Variants in SHISA8 observed in about 807,000 individuals in gnomAD.
SHISA8 encodes shisa family member 8, also known as protein shisa-8.
SHISA8 carries 21 observed loss-of-function variants against 21.1 expected under a neutral mutation model. The ratio of observed to expected loss-of-function variants is 0.99; its 90% CI spans 0.71 to 1.43. The LOEUF (loss-of-function observed/expected upper bound fraction) is 1.43, where lower values mean the gene tolerates loss of function less well. SHISA8 is among the 40% of genes most tolerant of loss of function. SHISA8 has a pLI of 0.00. For missense variants in SHISA8, 535 were observed against 599.1 expected, an observed-to-expected ratio of 0.89 and a Z score of 1.12; for synonymous variants, 300 against 291.4, an observed-to-expected ratio of 1.03 and a Z score of -0.30.
rs1454800275 is a variant in SHISA8, at chr22:41,914,769, C to G, written c.-102G>C. The G allele has an allele frequency of 1.1e-6, 1 of 885,790 alleles. No homozygotes were observed. The highest frequency in any genetic ancestry group is 1.2e-4 in the East Asian group (1 of 8,560). 54.9% of individuals were successfully genotyped at this position (885,790 alleles called of 1,614,324 possible). The stretch of plus-strand genomic sequence containing the variant: ...CCGCAGGGATCGCGCTGGCTCCCGG[C>G]GCACGCCGCCTCGGCCGTCGGCCTC... On this transcript the variant is annotated 5_prime_UTR_variant, in exon 1 of 4. Coordinates refer to ENST00000621082, the MANE Select transcript of SHISA8 (RefSeq NM_001207020.3). This position sits in a 1 kb window ranked among gnomAD's most constrained non-coding sequence, Gnocchi z 6.8.
Position 41,910,231 on chromosome 22 carries a change from G to A in SHISA8, c.812-84C>T. 8.2e-7 allele frequency: 1 copy of A among 1,226,508 alleles called. No homozygotes were observed. The highest frequency in any genetic ancestry group is 1.0e-6 in the Non-Finnish European group (1 of 983,996). 76.0% of individuals were successfully genotyped at this position (1,226,508 alleles called of 1,614,324 possible). A position where few individuals can be genotyped will look rare whatever the true frequency, so the allele number is the denominator to read the frequency against. ...ACAAGGGGTCCCGGCCGGGGACTGG[G>A]ACGGGGACCGGGCCGGGGCGGGCCG... is the stretch of plus-strand genomic sequence containing the variant. On this transcript the variant is annotated intron_variant, in intron 3 of 3. Transcript: ENST00000621082. The surrounding 1 kb of genome is among the most constrained non-coding windows in gnomAD (Gnocchi z 6.8).
chr22:41,912,050 G>A (rs2077556450), intron 1 of SHISA8, among the ~76,000 whole-genome samples: 1 of 152,200 alleles, frequency 6.6e-6, no homozygotes, highest in Non-Finnish European at 1.5e-5. Context: ...TTATTTACCT[G>A]CCTGCCTAAC....
intron 1 of SHISA8, among the ~76,000 whole-genome samples, chr22:41,913,850 T>C (rs938278303): frequency 1.3e-5 from 2 of 151,938 alleles, no homozygotes; most frequent in Admixed American, 6.5e-5. Flanking sequence ...TGTGCAAGGC[T>C]ACCTGTCCCC....
At chr22:41,913,948 A>AGGGAGTCAGGGCGGTGTC (rs1556138064) in intron 1 of SHISA8, among the ~76,000 whole-genome samples, 190 bp downstream of exon 1, 10 of 151,442 alleles carry the variant, frequency 6.6e-5, no homozygotes, top group African/African-American at 2.2e-4. Context: ...AGAAGGTCAA[A>AGGGAGTCAGGGCGGTGTC]GGGAGTCAGG....
Position 41,914,570 on chromosome 22 carries a change from G to T in SHISA8, c.98C>A (p.Pro33Gln). ...ALRLALLLAR[P>Q]PSGRAGAPEA... The stretch of plus-strand genomic sequence containing the variant: ...GGGGGCTCCCGCGCGGCCCGACGGC[G>T]GCCGCGCCAGCAGCAACGCGAGCCG... Residue 33 changes from proline to glutamine, a missense_variant, in exon 1 of 4, where the codon CCG becomes CAG. Transcript: ENST00000621082. This position sits in a 1 kb window ranked among gnomAD's most constrained non-coding sequence, Gnocchi z 6.8. 1 of 1,163,806 alleles carries T rather than the reference G, an allele frequency of 8.6e-7. No individual in the cohort carries two copies. Among genetic ancestry groups the T allele is most frequent in the Non-Finnish European group, 1.1e-6 (1 of 945,458 alleles). 72.1% of individuals were successfully genotyped at this position (1,163,806 alleles called of 1,614,324 possible).
At position 41,910,159 on chromosome 22, in the gene SHISA8, G is replaced by A. The variant is rs2077538918; in HGVS notation, c.812-12C>T. On this transcript the variant is annotated splice_polypyrimidine_tract_variant and intron_variant, in intron 3 of 3. Transcript: ENST00000621082. This position sits in a 1 kb window ranked among gnomAD's most constrained non-coding sequence, Gnocchi z 6.8. Reference sequence around the variant, plus strand: ...CCGCGGGGCGGCCTCTGCGGGGACAGGGCAGGGAAGAGTGACGCCGCGCCG... The same window carrying A: ...CCGCGGGGCGGCCTCTGCGGGGACAAGGCAGGGAAGAGTGACGCCGCGCCG... 2 of 1,234,354 alleles carry A rather than the reference G, an allele frequency of 1.6e-6. No homozygotes were observed. The highest frequency in any genetic ancestry group is 3.2e-5 in the East Asian group (1 of 31,086). The allele number at this position is 1,234,354 out of a possible 1,614,324, so 76.5% of individuals were successfully genotyped here. A position where few individuals can be genotyped will look rare whatever the true frequency, so the allele number is the denominator to read the frequency against.
chr22:41,914,595 G>A lies in SHISA8; in HGVS notation c.73C>T (p.Arg25Trp), dbSNP rs2146579999. 5 of 1,116,110 alleles carry A rather than the reference G, an allele frequency of 4.5e-6. No homozygotes were observed. Among genetic ancestry groups the A allele is most frequent in the South Asian group, 8.6e-5 (2 of 23,238 alleles). The allele number at this position is 1,116,110 out of a possible 1,614,324, so 69.1% of individuals were successfully genotyped here. ...GGCCGCGCCAGCAGCAACGCGAGCC[G>A]AAGCGCGAGCGCGAGCCGGAGGCCG... ...PPGLRLALAL[R>W]LALLLARPPS... The change falls in exon 1 of 4, where the codon CGG (arginine) becomes TGG (tryptophan). Residue 25 changes from arginine to tryptophan, a missense_variant. Arg to Trp is a moderately radical substitution (Grantham distance 101, BLOSUM62 -3). Coordinates refer to ENST00000621082, the MANE Select transcript of SHISA8 (RefSeq NM_001207020.3). The surrounding 1 kb of genome is among the most constrained non-coding windows in gnomAD (Gnocchi z 6.8).
chr22:41,909,876 G>T lies in SHISA8; in HGVS notation c.1083C>A (p.Phe361Leu). The T allele has an allele frequency of 6.5e-7, 1 of 1,530,132 alleles. No homozygotes were observed. The highest frequency in any genetic ancestry group is 2.5e-5 in the East Asian group (1 of 40,392). 94.8% of individuals were successfully genotyped at this position (1,530,132 alleles called of 1,614,324 possible). Reference sequence around the variant, plus strand: ...TGAAGGTCTCAGGCATCTTCACACTGAACTGGCGCCGGGCCGCGTGCCCGG... The same window carrying T: ...TGAAGGTCTCAGGCATCTTCACACTTAACTGGCGCCGGGCCGCGTGCCCGG... ...RRPGHAARRQ[F>L]SVKMPETFNP... Residue 361 changes from phenylalanine (F) to leucine (L), a missense_variant, in exon 4 of 4, where the codon TTC becomes TTA. Coordinates refer to ENST00000621082, the MANE Select transcript of SHISA8 (RefSeq NM_001207020.3).
In SHISA8 at chr22:41,911,219, C is replaced by A; in HGVS notation, c.661G>T (p.Ala221Ser). 1 of 1,282,226 alleles carries A rather than the reference C, an allele frequency of 7.8e-7. No individual in the cohort carries two copies. The highest frequency in any genetic ancestry group is 9.8e-7 in the Non-Finnish European group (1 of 1,016,370). 79.4% of individuals were successfully genotyped at this position (1,282,226 alleles called of 1,614,324 possible). The stretch of plus-strand genomic sequence containing the variant: ...GCCCCGCCCGCCACCGACTCACCTG[C>A]GCTGTTGTGGGGGGAGCCCCGGGGG... ...GLPRGSPHNS[A>S]DKKRLNNAPR... Residue 221 changes from alanine to serine, a missense_variant, in exon 2 of 4, where the codon GCA (alanine) becomes TCA (serine). Coordinates refer to ENST00000621082, the MANE Select transcript of SHISA8 (RefSeq NM_001207020.3).
rs969779418 is a variant in SHISA8, at chr22:41,909,557, G to T, written c.*208C>A. On this transcript the variant is annotated 3_prime_UTR_variant, in exon 4 of 4. Coordinates refer to ENST00000621082, the MANE Select transcript of SHISA8 (RefSeq NM_001207020.3). ...GTGACCAATGGTGCCTCGCAGCCAC[G>T]CTGGGGCTTCTTTATTCTCAGGGGC... 2.2e-5 allele frequency: 13 copies of T among 584,360 alleles called. No homozygotes were observed. Among genetic ancestry groups the T allele is most frequent in the Non-Finnish European group, 3.3e-5 (13 of 389,228 alleles). The allele number at this position is 584,360 out of a possible 1,614,324, so 36.2% of individuals were successfully genotyped here. A position where few individuals can be genotyped will look rare whatever the true frequency, so the allele number is the denominator to read the frequency against.
intron 1 of SHISA8, among the ~76,000 whole-genome samples, chr22:41,912,111 C>T (rs1170696830): frequency 1.3e-5 from 2 of 152,196 alleles, no homozygotes; most frequent in African/African-American, 2.4e-5. Context: ...GCTGCCATCA[C>T]GGGCATGAAG....
Position 41,910,551 on chromosome 22 carries a change from T to G in SHISA8, c.668A>C (p.Lys223Thr), listed in dbSNP as rs2077544273. The G allele has an allele frequency of 5.7e-6, 7 of 1,229,612 alleles. No individual in the cohort carries two copies. Among genetic ancestry groups the G allele is most frequent in the Non-Finnish European group, 7.1e-6 (7 of 986,848 alleles). 76.2% of individuals were successfully genotyped at this position (1,229,612 alleles called of 1,614,324 possible). A position where few individuals can be genotyped will look rare whatever the true frequency, so the allele number is the denominator to read the frequency against. ...PRGSPHNSADKKRLNNAPRGS... is the reference protein window; with the variant it reads ...PRGSPHNSADTKRLNNAPRGS... ...CCGGGGCGCGTTGTTGAGGCGCTTC[T>G]TGTCTGGAGCGAGGAGTGAGACGCG... The change falls in exon 3 of 4, where the codon AAG becomes ACG. Residue 223 changes from lysine (K) to threonine (T), a missense_variant. By Grantham distance (78) the Lys-to-Thr change is moderately conservative. Coordinates refer to ENST00000621082, the MANE Select transcript of SHISA8 (RefSeq NM_001207020.3). This position sits in a 1 kb window ranked among gnomAD's most constrained non-coding sequence, Gnocchi z 6.8.
Position 41,914,204 on chromosome 22 carries a change from G to A in SHISA8, c.464C>T (p.Ala155Val). The change falls in exon 1 of 4, where the codon GCC (alanine) becomes GTC (valine). Residue 155 changes from alanine to valine, a missense_variant. Physicochemically the swap from Ala to Val is moderately conservative, Grantham distance 64. Transcript: ENST00000621082. This position sits in a 1 kb window ranked among gnomAD's most constrained non-coding sequence, Gnocchi z 6.8. ...VCGVAALLVL[A>V]GIGARLGLER... is the part of the protein sequence containing the mutation. ...CAGTCCCAGGCGCGCCCCGATGCCGGCCAGCACCAGCAGCGCTGCGACGCC... is the reference window on the plus strand; with the variant it reads ...CAGTCCCAGGCGCGCCCCGATGCCGACCAGCACCAGCAGCGCTGCGACGCC... 6.8e-7 allele frequency: 1 copy of A among 1,462,798 alleles called. No individual in the cohort carries two copies. The highest frequency in any genetic ancestry group is 1.5e-5 in the African/African-American group (1 of 67,416). 90.6% of individuals were successfully genotyped at this position (1,462,798 alleles called of 1,614,324 possible).
At position 41,914,397 on chromosome 22, in the gene SHISA8, GGTAGCCGCACGTGCCGCAGCAGAAGCT is replaced by G; in HGVS notation, c.244_270del (p.Ser82_Tyr90del). On this transcript the variant is annotated inframe_deletion, in exon 1 of 4. Transcript: ENST00000621082. This position sits in a 1 kb window ranked among gnomAD's most constrained non-coding sequence, Gnocchi z 6.8. Reference sequence around the variant, plus strand: ...CGCGGCCCGTCGTGGCAGCAGAAGCGGTAGCCGCACGTGCCGCAGCAGAAGCTGTAGGCTCCGGAGCTGCAGTTGAAG... The same window carrying G: ...CGCGGCCCGTCGTGGCAGCAGAAGCGGTAGGCTCCGGAGCTGCAGTTGAAG... 1 of 1,328,098 alleles carries G rather than the reference GGTAGCCGCACGTGCCGCAGCAGAAGCT, an allele frequency of 7.5e-7. No individual in the cohort carries two copies. Among genetic ancestry groups the G allele is most frequent in the East Asian group, 3.2e-5 (1 of 31,598 alleles). 82.3% of individuals were successfully genotyped at this position (1,328,098 alleles called of 1,614,324 possible). A position where few individuals can be genotyped will look rare whatever the true frequency, so the allele number is the denominator to read the frequency against.
Position 41,910,176 on chromosome 22 carries a change from G to A in SHISA8, c.812-29C>T. On this transcript the variant is annotated intron_variant, in intron 3 of 3. Transcript: ENST00000621082. This position sits in a 1 kb window ranked among gnomAD's most constrained non-coding sequence, Gnocchi z 6.8. ...CGGGGACAGGGCAGGGAAGAGTGAC[G>A]CCGCGCCGAGCACCCAAGCTCAGGA... 1 of 1,229,624 alleles carries A rather than the reference G, an allele frequency of 8.1e-7. No homozygotes were observed. The highest frequency in any genetic ancestry group is 1.0e-6 in the Non-Finnish European group (1 of 987,482). The allele number at this position is 1,229,624 out of a possible 1,614,324, so 76.2% of individuals were successfully genotyped here. A position where few individuals can be genotyped will look rare whatever the true frequency, so the allele number is the denominator to read the frequency against.
intron 1 of SHISA8, among the ~76,000 whole-genome samples, chr22:41,912,891 GCTGCAGCC>G (rs2077561298): frequency 1.3e-5 from 2 of 152,222 alleles, no homozygotes; most frequent in Non-Finnish European, 2.9e-5. Flanking sequence ...CAGCTGGGCT[GCTGCAGCC>G]ACCCCTCACC....
Position 41,914,608 on chromosome 22 carries a change from G to A in SHISA8, c.60C>T (p.Leu20=), listed in dbSNP as rs2077574761. The change falls in exon 1 of 4, where the codon CTC becomes CTT. Residue 20 remains leucine (L), a synonymous_variant. Coordinates refer to ENST00000621082, the MANE Select transcript of SHISA8 (RefSeq NM_001207020.3). The surrounding 1 kb of genome is among the most constrained non-coding windows in gnomAD (Gnocchi z 6.8). Reference sequence around the variant, plus strand: ...GCAACGCGAGCCGAAGCGCGAGCGCGAGCCGGAGGCCGGGAGGACGGCGGC... The same window carrying A: ...GCAACGCGAGCCGAAGCGCGAGCGCAAGCCGGAGGCCGGGAGGACGGCGGC... ...LGGRRPPGLR[L]ALALRLALLL... 3 of 1,089,666 alleles carry A rather than the reference G, an allele frequency of 2.8e-6. No homozygotes were observed. Among genetic ancestry groups the A allele is most frequent in the East Asian group, 1.2e-4 (2 of 16,914 alleles). 67.5% of individuals were successfully genotyped at this position (1,089,666 alleles called of 1,614,324 possible).
intron 1 of SHISA8, among the ~76,000 whole-genome samples, chr22:41,911,588 T>C (rs1470151476): frequency 6.6e-6 from 1 of 151,746 alleles, no homozygotes; most frequent in Non-Finnish European, 1.5e-5. Flanking sequence ...AGGCTCCCCT[T>C]CCCTCCCCTC....
At position 41,914,332 on chromosome 22, in the gene SHISA8, C is replaced by A; in HGVS notation, c.336G>T (p.Pro112=). Reference sequence around the variant, plus strand: ...GCGGCCGGCCTGTCTGGACCCAGGCCGGCGTGTCGTAGTTGGAACAGCGGC... The same window carrying A: ...GCGGCCGGCCTGTCTGGACCCAGGCAGGCGTGTCGTAGTTGGAACAGCGGC... The part of the protein sequence containing the change: ...DQSRCSNYDT[P]AWVQTGRPPA... The change falls in exon 1 of 4, where the codon CCG becomes CCT. Residue 112 remains proline, a synonymous_variant. Coordinates refer to ENST00000621082, the MANE Select transcript of SHISA8 (RefSeq NM_001207020.3). The surrounding 1 kb of genome is among the most constrained non-coding windows in gnomAD (Gnocchi z 6.8). The A allele has an allele frequency of 8.0e-7, 1 of 1,254,340 alleles. No homozygotes were observed. Among genetic ancestry groups the A allele is most frequent in the Non-Finnish European group, 1.0e-6 (1 of 1,001,040 alleles). 77.7% of individuals were successfully genotyped at this position (1,254,340 alleles called of 1,614,324 possible).
Sources: allele counts gnomAD v4.1 joint callset (sites outside exome capture counted in the v4.1 genomes callset), GRCh38; gene constraint gnomAD v4.1.1; non-coding constraint Gnocchi (gnomAD v3.1); transcripts MANE v1.5; gene names NCBI Gene and HGNC (gene_info 2026-07-23, HGNC 2026-07-21).